EEFSEC: variants seen among roughly 807,000 people sequenced by gnomAD.
EEFSEC encodes the protein selenocysteine-specific elongation factor.
EEFSEC carries 43 observed loss-of-function variants against 42.1 expected under a neutral mutation model. The observed-to-expected ratio is 1.02, with a 90% CI of 0.80 to 1.32. EEFSEC has a LOEUF of 1.32. Among genes scored for constraint, EEFSEC ranks in the 40% most tolerant of loss-of-function variants. The probability of loss-of-function intolerance (pLI) is 0.00; values close to 1 mark genes in which losing one functional copy is unlikely to be tolerated. For synonymous variants in EEFSEC, 354 were observed against 339.1 expected (o/e 1.04, Z -0.48); for missense variants, 745 against 803.6 (o/e 0.93, Z 0.88).
downstream of EEFSEC, among the ~76,000 whole-genome samples, chr3:128,413,218 G>A (rs956543935): frequency 1.3e-5 from 2 of 152,286 alleles, no homozygotes; most frequent in East Asian, 1.9e-4. Context: ...GGGAAGGCTC[G>A]GGGATTGAAA....
At chr3:128,185,928 A>G (rs1279515619) in intron 1 of EEFSEC, among the ~76,000 whole-genome samples, 2 of 152,236 alleles carry the variant, frequency 1.3e-5, no homozygotes, top group Non-Finnish European at 2.9e-5. Flanking sequence ...TTGTGTAAAC[A>G]TACATTTCTG....
chr3:128,287,310 G>T (rs903697466), intron 4 of EEFSEC, among the ~76,000 whole-genome samples: 2 of 152,126 alleles, frequency 1.3e-5, no homozygotes, highest in African/African-American at 4.8e-5. Flanking sequence ...AGGCGGGCTT[G>T]TGCAGCCATG....
intron 1 of EEFSEC, among the ~76,000 whole-genome samples, chr3:128,222,253 G>A (rs893534401): frequency 5.7e-4 from 86 of 152,052 alleles, no homozygotes; most frequent in Admixed American, 3.7e-3. Flanking sequence ...GGCTGGCCTC[G>A]AACTCCTGAC....
the EEFSEC span, among the ~76,000 whole-genome samples, chr3:128,418,720 TG>T: frequency 6.6e-6 from 1 of 152,076 alleles, no homozygotes; most frequent in Non-Finnish European, 1.5e-5. Context: ...AGCACCCCTG[TG>T]GCCGGGGTGC....
chr3:128,389,292 C>A (rs2067879772), intron 6 of EEFSEC, among the ~76,000 whole-genome samples: 1 of 152,256 alleles, frequency 6.6e-6, no homozygotes, highest in Admixed American at 6.5e-5. Flanking sequence ...CTCTGGCAGG[C>A]ATTTTGGTTG....
At chr3:128,323,260 A>G (rs190232826) in intron 4 of EEFSEC, among the ~76,000 whole-genome samples, 2 of 152,306 alleles carry the variant, frequency 1.3e-5, no homozygotes, top group African/African-American at 4.8e-5. Context: ...GATCTCTTGC[A>G]TATGGGAAAT....
At chr3:128,400,599 C>A (rs2068037785) in intron 6 of EEFSEC, among the ~76,000 whole-genome samples, 1 of 152,240 alleles carries the variant, frequency 6.6e-6, no homozygotes, top group African/African-American at 2.4e-5. Flanking sequence ...GGCCCCAGCC[C>A]CACAGGGCCA....
At chr3:128,411,795 G>C (rs776937041), downstream of EEFSEC, among the ~76,000 whole-genome samples, 1 of 152,218 alleles carries the variant, frequency 6.6e-6, no homozygotes, top group Non-Finnish European at 1.5e-5. Flanking sequence ...TCTCGTAAAC[G>C]GGAAGCCCTG....
intron 1 of EEFSEC, among the ~76,000 whole-genome samples, chr3:128,167,493 C>T (rs868264908): frequency 5.3e-5 from 8 of 152,214 alleles, no homozygotes; most frequent in Non-Finnish European, 1.2e-4. Flanking sequence ...AGGAAGCTTG[C>T]CTTGAGGTTA....
In EEFSEC at chr3:128,408,321, C is replaced by A; in HGVS notation, c.*62C>A. 1.4e-6 allele frequency: 2 copies of A among 1,467,142 alleles called. No homozygotes were observed. Among genetic ancestry groups the A allele is most frequent in the Non-Finnish European group, 9.1e-7 (1 of 1,096,258 alleles). 90.9% of individuals were successfully genotyped at this position (1,467,142 alleles called of 1,614,324 possible). On this transcript the variant is annotated 3_prime_UTR_variant, in exon 7 of 7. Transcript: ENST00000254730. ...CCCAGTCCAGGCTGCTGTGCCAAATCCCAACCAGCCACGCCTCAGCCTCTC... is the reference window on the plus strand; with the variant it reads ...CCCAGTCCAGGCTGCTGTGCCAAATACCAACCAGCCACGCCTCAGCCTCTC...
At chr3:128,232,771 A>T (rs942768917) in intron 1 of EEFSEC, among the ~76,000 whole-genome samples, 2 of 152,196 alleles carry the variant, frequency 1.3e-5, no homozygotes, top group African/African-American at 4.8e-5. Context: ...ATAGACTATG[A>T]CACGGTAGCT....
chr3:128,348,603 G>C (rs1214200222), intron 5 of EEFSEC, among the ~76,000 whole-genome samples: 1 of 152,104 alleles, frequency 6.6e-6, no homozygotes, highest in Non-Finnish European at 1.5e-5. Context: ...TGCATGGTAT[G>C]TACTTTTACT....
intron 4 of EEFSEC, among the ~76,000 whole-genome samples, chr3:128,285,592 G>C (rs1012799937): frequency 2.0e-5 from 3 of 152,158 alleles, no homozygotes; most frequent in Non-Finnish European, 2.9e-5. Context: ...AGGATCCTCT[G>C]TGTTTGGGTC....
intron 1 of EEFSEC, among the ~76,000 whole-genome samples, chr3:128,162,714 C>A (rs1008258783): frequency 2.5e-4 from 38 of 152,128 alleles, no homozygotes; most frequent in African/African-American, 8.9e-4. Context: ...TCTCATGGGG[C>A]TTGCCCTTGA....
At chr3:128,225,779 T>G (rs2065901933) in intron 1 of EEFSEC, among the ~76,000 whole-genome samples, 1 of 152,086 alleles carries the variant, frequency 6.6e-6, no homozygotes, top group Non-Finnish European at 1.5e-5. Context: ...GGGCAGGGCA[T>G]TGGAGCTGAG....
intron 6 of EEFSEC, among the ~76,000 whole-genome samples, chr3:128,381,165 C>T (rs1437714640): frequency 1.3e-5 from 2 of 152,166 alleles, no homozygotes; most frequent in Non-Finnish European, 2.9e-5. Flanking sequence ...CATGTGATTT[C>T]CTGCTAGAGA....
chr3:128,180,198 T>C, intron 1 of EEFSEC, among the ~76,000 whole-genome samples: 1 of 152,250 alleles, frequency 6.6e-6, no homozygotes, highest in East Asian at 1.9e-4. Flanking sequence ...CATGAAGTTG[T>C]TTTTGTCTCA....
intron 6 of EEFSEC, among the ~76,000 whole-genome samples, chr3:128,395,926 C>T (rs1053076870): frequency 1.9e-4 from 29 of 152,314 alleles, no homozygotes; most frequent in Admixed American, 1.6e-3. Flanking sequence ...ACCAAAGCTC[C>T]GAGCAGGCCA....
the EEFSEC span, among the ~76,000 whole-genome samples, chr3:128,425,573 C>CCCCAGCTGCTGTCTGCATT: frequency 6.6e-6 from 1 of 152,260 alleles, no homozygotes; most frequent in African/African-American, 2.4e-5. Context: ...CGGTTTCCCA[C>CCCCAGCTGCTGTCTGCATT]CCCAGCTGCT....
Sources: allele counts gnomAD v4.1 joint callset (sites outside exome capture counted in the v4.1 genomes callset), GRCh38; gene constraint gnomAD v4.1.1; transcripts MANE v1.5; gene names NCBI Gene and HGNC (gene_info 2026-07-23, HGNC 2026-07-21).